HTT: variants seen among roughly 807,000 people sequenced by gnomAD.
The protein encoded by HTT is huntingtin.
In HTT, 104 loss-of-function variants were observed where a neutral mutation model predicts 362.3. That is an observed-to-expected ratio of 0.29 (90% CI 0.24 to 0.34). The LOEUF is 0.34. Among genes scored for constraint, HTT ranks in the 10% least tolerant of loss-of-function variants. The probability of loss-of-function intolerance (pLI) is 1.00; values close to 1 mark genes in which losing one functional copy is unlikely to be tolerated. For synonymous variants in HTT, 1,577 were observed against 1,548.7 expected, an observed-to-expected ratio of 1.02 and a Z score of -0.43; for missense variants, 3,301 against 3,928.6, an observed-to-expected ratio of 0.84 and a Z score of 4.27.
chr4:3,204,138 G>A lies in HTT; in HGVS notation c.5708G>A (p.Cys1903Tyr). 6.2e-7 allele frequency: 1 copy of A among 1,614,238 alleles called. No homozygotes were observed. The highest frequency in any genetic ancestry group is 2.2e-5 in the East Asian group (1 of 44,892). The change falls in exon 42 of 67, where the codon TGT becomes TAT. Residue 1903 changes from cysteine (C) to tyrosine (Y), a missense_variant. This residue lies in a region of HTT where 2,316 missense variants were observed against 2,658.5 expected (regional missense o/e 0.87). Coordinates refer to ENST00000355072, the MANE Select transcript of HTT (RefSeq NM_001388492.1). ...IVRRGALILFCDYVCQNLHDS... is the reference protein window; with the variant it reads ...IVRRGALILFYDYVCQNLHDS... ...CGAAGAGGGGCTCTCATTCTCTTCT[G>A]TGATTATGTCGTAAGTTTGAAATGC...
intron 30 of HTT, 23 bp downstream of exon 30, chr4:3,172,420 C>T: frequency 6.6e-7 from 1 of 1,519,214 alleles, no homozygotes. Context: ...TTCTTTTCCT[C>T]TTCTGTTAAG....
intron 29 of HTT, among the ~76,000 whole-genome samples, chr4:3,165,051 G>A (rs1578552907): frequency 2.0e-5 from 3 of 152,186 alleles, no homozygotes; most frequent in Admixed American, 2.0e-4. Context: ...TTTTTGCAGT[G>A]GCTGGTACTG....
At chr4:3,188,484 C>T (rs2110249334) in intron 39 of HTT, 1 of 164,442 alleles carries the variant, frequency 6.1e-6, no homozygotes, top group Non-Finnish European at 1.3e-5. Context: ...TGTGCTGCTT[C>T]TGCTAAGTGG....
At chr4:3,120,580 G>C (rs191335004) in intron 8 of HTT, among the ~76,000 whole-genome samples, 2 of 152,336 alleles carry the variant, frequency 1.3e-5, no homozygotes, top group Admixed American at 1.3e-4. Flanking sequence ...CCTCCTGTCA[G>C]ATCAGTGGCA....
chr4:3,220,119 T>C lies in HTT; in HGVS notation c.7243-63T>C, dbSNP rs1720606464. On this transcript the variant is annotated intron_variant, in intron 52 of 66. Transcript: ENST00000355072. ...AGTGGAGAGAAGTCGGGCTTCCTGC[T>C]TCCTCACAGTATGTCTGTCCTGACT... 4 of 1,589,856 alleles carry C rather than the reference T, an allele frequency of 2.5e-6. No individual in the cohort carries two copies. In the Admixed American group the frequency reaches 6.7e-5, roughly 27 times the overall value.
At chr4:3,141,217 GAGA>G (rs1301150621) in intron 22 of HTT, among the ~76,000 whole-genome samples, 1 of 152,232 alleles carries the variant, frequency 6.6e-6, no homozygotes, top group Non-Finnish European at 1.5e-5. Context: ...CTAGCTTGCA[GAGA>G]AGATTGCAGA....
intron 40 of HTT, among the ~76,000 whole-genome samples, chr4:3,193,590 A>G (rs1348071085): frequency 6.6e-6 from 1 of 152,086 alleles, no homozygotes; most frequent in Non-Finnish European, 1.5e-5. Flanking sequence ...CTTCCATCTC[A>G]CAATTGAGGC....
At chr4:3,212,285 G>GTC in intron 48 of HTT, 143 bp downstream of exon 48, 1 of 733,000 alleles carries the variant, frequency 1.4e-6, no homozygotes, top group Non-Finnish European at 2.2e-6. Context: ...CAGCACGGGT[G>GTC]TCCTCGGCTC....
Position 3,214,101 on chromosome 4 carries a change from C to T in HTT, c.6918C>T (p.Ser2306=), listed in dbSNP as rs1720282486. Residue 2306 remains serine (S), a synonymous_variant, in exon 50 of 67, where the codon TCC becomes TCT. Transcript: ENST00000355072. The part of the protein sequence containing the change: ...SSTEFVTHAC[S]LIYCVHFILE... Reference sequence around the variant, plus strand: ...CAGAGTTTGTGACCCACGCCTGCTCCCTCATCTACTGTGTGCACTTCATCC... The same window carrying T: ...CAGAGTTTGTGACCCACGCCTGCTCTCTCATCTACTGTGTGCACTTCATCC... 2 of 1,587,128 alleles carry T rather than the reference C, an allele frequency of 1.3e-6. No individual in the cohort carries two copies. Among genetic ancestry groups the T allele is most frequent in the Non-Finnish European group, 1.7e-6 (2 of 1,163,652 alleles).
At chr4:3,234,070 G>T (rs571694113) in intron 61 of HTT, among the ~76,000 whole-genome samples, 1 of 152,386 alleles carries the variant, frequency 6.6e-6, no homozygotes, top group Middle Eastern at 3.4e-3. Flanking sequence ...ATGGGAAGGG[G>T]TCTGGGAGGA....
intron 53 of HTT, among the ~76,000 whole-genome samples, chr4:3,220,718 C>G (rs1360924051): frequency 6.6e-6 from 1 of 152,016 alleles, no homozygotes; most frequent in Admixed American, 6.6e-5. Flanking sequence ...AACAAGCAGA[C>G]GGGAGCAGAT....
chr4:3,143,477 TGTCACCTGCATTG>T (rs1716450662), intron 23 of HTT, among the ~76,000 whole-genome samples: 1 of 151,144 alleles, frequency 6.6e-6, no homozygotes, highest in African/African-American at 2.4e-5. Flanking sequence ...AGTAAACTAC[TGTCACCTGCATTG>T]GTAATGTATC....
chr4:3,233,899 G>C (rs955906876), intron 61 of HTT, among the ~76,000 whole-genome samples: 16 of 152,212 alleles, frequency 1.1e-4, no homozygotes, highest in African/African-American at 3.9e-4. Flanking sequence ...GTGACACCCT[G>C]GTCTCACCGC....
chr4:3,156,690 C>G (rs112625376), intron 27 of HTT, among the ~76,000 whole-genome samples: 4 of 152,184 alleles, frequency 2.6e-5, no homozygotes, highest in African/African-American at 9.6e-5. Flanking sequence ...TTACATCATC[C>G]CTGTTTGATT....
intron 6 of HTT, 62 bp downstream of exon 6, chr4:3,107,485 T>C: frequency 6.4e-7 from 1 of 1,557,826 alleles, no homozygotes; most frequent in Non-Finnish European, 8.8e-7. Context: ...CTGTGGAGGG[T>C]GAGGGCTTCT....
chr4:3,239,457 A>T (rs1721706632), intron 66 of HTT, among the ~76,000 whole-genome samples: 1 of 152,178 alleles, frequency 6.6e-6, no homozygotes, highest in Non-Finnish European at 1.5e-5. Flanking sequence ...GACAGACCAC[A>T]AGAGCCTCCA....
At chr4:3,236,559 C>T (rs1560608024) in intron 64 of HTT, among the ~76,000 whole-genome samples, 1 of 152,144 alleles carries the variant, frequency 6.6e-6, no homozygotes, top group Non-Finnish European at 1.5e-5. Context: ...CAGGAATGAC[C>T]AGCCTCTGGG....
intron 40 of HTT, among the ~76,000 whole-genome samples, chr4:3,190,595 C>G (rs2110251718): frequency 6.6e-6 from 1 of 151,596 alleles, no homozygotes; most frequent in South Asian, 2.1e-4. Flanking sequence ...AAAAAATAGC[C>G]AGGAGTAGTG....
rs79265115 is a variant in HTT, at chr4:3,202,455, G to A, written c.5577-1552G>A. ...ACAGCTTGAGTGTAAGTCACACTGCGCTGGCAGGACGGCCCACTGAGAAAG... is the reference window on the plus strand; with the variant it reads ...ACAGCTTGAGTGTAAGTCACACTGCACTGGCAGGACGGCCCACTGAGAAAG... On this transcript the variant is annotated intron_variant, in intron 41 of 66. Transcript: ENST00000355072. Among the ~76,000 whole-genome samples, 375 of 152,216 alleles carry A rather than the reference G, an allele frequency of 2.5e-3. 1 individual carries two copies. The highest frequency in any genetic ancestry group is 8.5e-3 in the African/African-American group (354 of 41,530).
Sources: allele counts gnomAD v4.1 joint callset (sites outside exome capture counted in the v4.1 genomes callset), GRCh38; gene constraint gnomAD v4.1.1; regional missense constraint gnomAD v4.1.1; transcripts MANE v1.5; gene names NCBI Gene and HGNC (gene_info 2026-07-23, HGNC 2026-07-21).